Variants in NTRK2 observed in about 807,000 individuals in gnomAD.
NTRK2 encodes neurotrophic receptor tyrosine kinase 2.
A neutral mutation model predicts 94.5 loss-of-function variants in NTRK2; 13 were observed. The observed-to-expected ratio is 0.14, with a 90% CI of 0.09 to 0.22. The LOEUF (loss-of-function observed/expected upper bound fraction) is 0.22, where lower values mean the gene tolerates loss of function less well. Among genes scored for constraint, NTRK2 ranks in the 10% least tolerant of loss-of-function variants. NTRK2 has a pLI of 1.00. For missense variants in NTRK2, 639 were observed against 1,071.2 expected (o/e 0.60, Z 5.63); for synonymous variants, 372 against 407.4 (o/e 0.91, Z 1.05).
chr9:84,748,240 C>G (rs2064269809), intron 11 of NTRK2, among the ~76,000 whole-genome samples: 1 of 152,204 alleles, frequency 6.6e-6, no homozygotes, highest in African/African-American at 2.4e-5. Context: ...TCAACACATG[C>G]AAGGTACACA....
rs112289737 is a variant in NTRK2 at position 84,751,783 on chromosome 9, A to G, written c.1297-203A>G. On this transcript the variant is annotated intron_variant, in intron 11 of 18. Transcript: ENST00000277120. ...ATGTTTTCTCATTTGTAAAGTAGGC[A>G]TAATAATAGATCTTACATACTTCAC... 8.8e-3 allele frequency among the ~76,000 whole-genome samples: 1,346 copies of G among 152,328 alleles called. 27 individuals carry two copies. Among genetic ancestry groups the G allele is most frequent in the African/African-American group, 0.03 (1,256 of 41,574 alleles).
chr9:84,949,470 ATT>A (rs1221977986), intron 16 of NTRK2, among the ~76,000 whole-genome samples: 26 of 151,340 alleles, frequency 1.7e-4, no homozygotes, highest in Admixed American at 4.0e-4. Context: ...TTATTTATTT[ATT>A]TATTTATTTA....
intron 14 of NTRK2, among the ~76,000 whole-genome samples, chr9:84,892,597 G>A (rs985940835): frequency 1.3e-5 from 2 of 152,202 alleles, no homozygotes; most frequent in Non-Finnish European, 1.5e-5. Context: ...AAGAAAACAG[G>A]ACACTTCAAG....
In NTRK2 at chr9:84,670,468, G is replaced by T; in HGVS notation, c.-281G>T. On this transcript the variant is annotated 5_prime_UTR_variant, in exon 2 of 19. Transcript: ENST00000277120. ...AGCGCCGCCGGTCGGTGCCCGGCGC[G>T]CCGGGCCATGCAGCGACGGCCGCCG... The T allele has an allele frequency of 2.0e-6, 1 of 489,104 alleles. No homozygotes were observed. The highest frequency in any genetic ancestry group is 3.7e-6 in the Non-Finnish European group (1 of 270,094). The allele number at this position is 489,104 out of a possible 1,614,324, so 30.3% of individuals were successfully genotyped here. A position where few individuals can be genotyped will look rare whatever the true frequency, so the allele number is the denominator to read the frequency against.
At chr9:84,860,373 G>C (rs2075274278) in intron 12 of NTRK2, among the ~76,000 whole-genome samples, 1 of 152,124 alleles carries the variant, frequency 6.6e-6, no homozygotes, top group African/African-American at 2.4e-5. Context: ...TGGACCTTGT[G>C]TTCTAAGAGG....
intron 12 of NTRK2, among the ~76,000 whole-genome samples, chr9:84,755,777 A>C (rs2065036083): frequency 1.3e-5 from 2 of 152,206 alleles, no homozygotes; most frequent in Middle Eastern, 3.4e-3. Context: ...TGAAGTTGGC[A>C]AAAGTGCTAG....
At chr9:84,730,782 G>GAAAAAAAAAAAAAAAAAAAAAAAAAAA (rs1564145193) in intron 9 of NTRK2, among the ~76,000 whole-genome samples, 1 of 4,760 alleles carries the variant, frequency 2.1e-4, no homozygotes, top group Non-Finnish European at 3.6e-4. Flanking sequence ...TAAACAAATA[G>GAAAAAAAAAAAAAAAAAAAAAAAAAAA]CAAAAAAAAA....
chr9:84,961,369 A>G lies in NTRK2; in HGVS notation c.2172+5852A>G, dbSNP rs73651157. On this transcript the variant is annotated intron_variant, in intron 17 of 18. Coordinates refer to ENST00000277120, the MANE Select transcript of NTRK2 (RefSeq NM_006180.6). ...TTTTGATTAAAGTGTACTTAAAACC[A>G]TAAGAGTTTGTTTATTTTATGAAAT... 6.7e-3 allele frequency among the ~76,000 whole-genome samples: 1,022 copies of G among 152,332 alleles called. 11 individuals are homozygous for G. Among genetic ancestry groups the G allele is most frequent in the African/African-American group, 0.023 (965 of 41,578 alleles).
At chr9:84,787,361 C>T (rs570219102) in intron 12 of NTRK2, among the ~76,000 whole-genome samples, 1 of 152,144 alleles carries the variant, frequency 6.6e-6, no homozygotes, top group Non-Finnish European at 1.5e-5. Context: ...ACAAAATAAT[C>T]TCCTGGGTAG....
intron 17 of NTRK2, among the ~76,000 whole-genome samples, chr9:85,002,154 T>C (rs1830405336): frequency 6.6e-6 from 1 of 152,092 alleles, no homozygotes; most frequent in Admixed American, 6.5e-5. Flanking sequence ...ACTTGGAAGG[T>C]GGTTTTTAGC....
At chr9:84,824,402 A>C (rs2073050818) in intron 12 of NTRK2, among the ~76,000 whole-genome samples, 1 of 152,278 alleles carries the variant, frequency 6.6e-6, no homozygotes, top group African/African-American at 2.4e-5. Flanking sequence ...CCTGCTTCTT[A>C]CTGAGATCAG....
chr9:84,808,225 A>G (rs1323935190), intron 12 of NTRK2, among the ~76,000 whole-genome samples: 2 of 152,192 alleles, frequency 1.3e-5, no homozygotes, highest in African/African-American at 4.8e-5. Context: ...TGTGTTTCCA[A>G]CTGTAATAAT....
At chr9:84,929,917 G>A (rs2077964511) in intron 14 of NTRK2, among the ~76,000 whole-genome samples, 1 of 152,172 alleles carries the variant, frequency 6.6e-6, no homozygotes, top group Non-Finnish European at 1.5e-5. Flanking sequence ...ATTTGCTCAA[G>A]TCTCCAAAGT....
chr9:85,001,848 C>T (rs1001924201), intron 17 of NTRK2, among the ~76,000 whole-genome samples: 1 of 152,220 alleles, frequency 6.6e-6, no homozygotes, highest in African/African-American at 2.4e-5. Flanking sequence ...AGGTAGTAAA[C>T]ACAACTCCTT....
At chr9:84,820,047 T>A (rs1319521082) in intron 12 of NTRK2, among the ~76,000 whole-genome samples, 1 of 152,196 alleles carries the variant, frequency 6.6e-6, no homozygotes, top group Non-Finnish European at 1.5e-5. Flanking sequence ...CAATTATAGT[T>A]GACCCTTTAA....
intron 16 of NTRK2, 78 bp from the exon 17 acceptor site, chr9:84,955,205 C>A: frequency 8.3e-7 from 1 of 1,208,248 alleles, no homozygotes; most frequent in Non-Finnish European, 1.2e-6. Context: ...GCAAGAGGGA[C>A]GGGGAGGGGC....
chr9:84,880,650 A>G (rs1260231668), intron 14 of NTRK2, among the ~76,000 whole-genome samples: 1 of 152,374 alleles, frequency 6.6e-6, no homozygotes, highest in East Asian at 1.9e-4. Flanking sequence ...GGAGATATCA[A>G]GGAGCTGATA....
chr9:84,883,381 A>G (rs2076323333), intron 14 of NTRK2, among the ~76,000 whole-genome samples: 1 of 152,164 alleles, frequency 6.6e-6, no homozygotes, highest in South Asian at 2.1e-4. Context: ...TCCTGGTTGC[A>G]GTACAATTCT....
Position 84,776,420 on chromosome 9 carries a change from C to T in NTRK2, c.1396+24335C>T, listed in dbSNP as rs530357793. 2.6e-5 allele frequency among the ~76,000 whole-genome samples: 4 copies of T among 152,252 alleles called. No homozygotes were observed. In the South Asian group the frequency reaches 8.3e-4, roughly 32 times the overall value. On this transcript the variant is annotated intron_variant, in intron 12 of 18. Coordinates refer to ENST00000277120, the MANE Select transcript of NTRK2 (RefSeq NM_006180.6). ...TATTTTTAGTAGAGATGGAGTTTCA[C>T]CATGTTGGCCAGGCTGGTGTCGAAC...
Sources: gnomAD v4.1 joint callset for allele counts (sites outside exome capture counted in the v4.1 genomes callset) on GRCh38, gnomAD v4.1.1 for gene constraint, MANE v1.5 for transcripts, NCBI Gene and HGNC (gene_info 2026-07-23, HGNC 2026-07-21) for gene names.